The following SBNO2 variants were observed in gnomAD, a reference collection of about 807,000 sequenced individuals.
SBNO2 encodes the protein strawberry notch homolog 2.
Under a neutral mutation model 146.3 loss-of-function variants are expected in SBNO2, and 89 were observed. The observed-to-expected ratio is 0.61, with a 90% CI of 0.51 to 0.73. SBNO2 has a LOEUF of 0.73. SBNO2 is among the 30% of genes least tolerant of loss of function. The pLI is 0.00. For synonymous variants in SBNO2, 1,147 were observed against 892.6 expected, an observed-to-expected ratio of 1.29 and a Z score of -5.08; for missense variants, 2,092 against 2,003.7, an observed-to-expected ratio of 1.04 and a Z score of -0.84.
intron 1 of SBNO2, among the ~76,000 whole-genome samples, chr19:1,172,892 C>T (rs1436211435): frequency 6.6e-6 from 1 of 151,882 alleles, no homozygotes; most frequent in Non-Finnish European, 1.5e-5. Context: ...CCGTCCCGTC[C>T]CAGCAGTCAC....
chr19:1,111,372 CCT>C, intron 24 of SBNO2, 132 bp downstream of exon 24: 1 of 744,822 alleles, frequency 1.3e-6, no homozygotes, highest in Non-Finnish European at 2.2e-6. Flanking sequence ...CCTTCACAGC[CCT>C]CTCTGTCCGT....
At chr19:1,162,297 A>C (rs1330927668) in intron 1 of SBNO2, among the ~76,000 whole-genome samples, 3 of 147,410 alleles carry the variant, frequency 2.0e-5, no homozygotes, top group Non-Finnish European at 4.5e-5. Context: ...GTCTCTACTA[A>C]AAAATACAAA....
chr19:1,132,151 G>C (rs1177194859), intron 4 of SBNO2: 10 of 1,474,992 alleles, frequency 6.8e-6, no homozygotes, highest in Non-Finnish European at 8.9e-6. Context: ...GGCGCTCGGG[G>C]GGCCAGGGGT....
At chr19:1,149,265 A>T (rs2080220669) in intron 3 of SBNO2, 104 bp downstream of exon 3, 1 of 1,088,112 alleles carries the variant, frequency 9.2e-7, no homozygotes, top group African/African-American at 1.6e-5. Flanking sequence ...AAACCCCTCA[A>T]CAAGACTTTG....
At position 1,108,594 on chromosome 19, in the gene SBNO2, C is replaced by CGGGCG. The variant is rs1459148243; in HGVS notation, c.3722_3726dup (p.Ala1243ArgfsTer112). ...CAAGGCAGCGCCAGCGGGCGCGGGG[C>CGGGCG]GGGCGGGGCGGGGCAGCCCAGGGCG... On this transcript the variant is annotated frameshift_variant, in exon 32 of 32. Coordinates refer to ENST00000361757, the MANE Select transcript of SBNO2 (RefSeq NM_014963.3). LOFTEE classifies it low-confidence loss of function (END_TRUNC). 6.8e-6 allele frequency: 4 copies of CGGGCG among 584,424 alleles called. No individual in the cohort carries two copies. Among genetic ancestry groups the CGGGCG allele is most frequent in the Non-Finnish European group, 9.5e-6 (4 of 420,966 alleles). 36.2% of individuals were successfully genotyped at this position (584,424 alleles called of 1,614,324 possible).
intron 13 of SBNO2, 46 bp downstream of exon 13, chr19:1,119,470 T>TCCCCCCCC: frequency 7.5e-7 from 1 of 1,333,212 alleles, no homozygotes; most frequent in Non-Finnish European, 1.1e-6. Flanking sequence ...TGAGGCCTCC[T>TCCCCCCCC]CCCCACCCCC....
At chr19:1,115,993 G>C in intron 17 of SBNO2, 28 bp downstream of exon 17, 1 of 1,568,908 alleles carries the variant, frequency 6.4e-7, no homozygotes, top group South Asian at 1.2e-5. Context: ...GGGCAGGGGT[G>C]GGTGGGGCCA....
chr19:1,158,201 C>T lies in SBNO2; in HGVS notation c.-126-3799G>A, dbSNP rs902778191. ...AACTGGCCACTGTGCGGACCCTCCC[C>T]CTGGGGGTCCCTGAGCACCTGTCGT... On this transcript the variant is annotated intron_variant, in intron 1 of 31. Transcript: ENST00000361757. The surrounding 1 kb of genome is among the most constrained non-coding windows in gnomAD (Gnocchi z 9.9). 2.0e-5 allele frequency among the ~76,000 whole-genome samples: 3 copies of T among 152,212 alleles called. No individual in the cohort carries two copies. The highest frequency in any genetic ancestry group is 7.2e-5 in the African/African-American group (3 of 41,448).
intron 4 of SBNO2, among the ~76,000 whole-genome samples, chr19:1,145,036 G>A (rs1029032584): frequency 1.3e-5 from 2 of 151,448 alleles, no homozygotes; most frequent in Non-Finnish European, 2.9e-5. Flanking sequence ...CAGAGAGAGA[G>A]ACAGAGGCAG....
intron 3 of SBNO2, among the ~76,000 whole-genome samples, 155 bp from the exon 4 acceptor site, chr19:1,147,575 G>A (rs370390217): frequency 1.3e-5 from 2 of 152,130 alleles, no homozygotes; most frequent in African/African-American, 4.8e-5. Flanking sequence ...TGCACATACA[G>A]AGGGGCCTCC....
rs1383360072 is a variant in SBNO2, at chr19:1,108,485, G to A, written c.3836C>T (p.Pro1279Leu). Reference sequence around the variant, plus strand: ...GCCGGGGCCGGCGTCCAGGGACAGCGGCGCCGGGAAAGAGAAGTGCGGGGG... The same window carrying A: ...GCCGGGGCCGGCGTCCAGGGACAGCAGCGCCGGGAAAGAGAAGTGCGGGGG... ...PPPPHFSFPA[P>L]LSLDAGPGVV... The change falls in exon 32 of 32, where the codon CCG (proline) becomes CTG (leucine). Residue 1279 changes from proline (P) to leucine (L), a missense_variant. Transcript: ENST00000361757. 8.2e-6 allele frequency: 10 copies of A among 1,221,232 alleles called. No individual in the cohort carries two copies. The highest frequency in any genetic ancestry group is 2.5e-5 in the South Asian group (1 of 39,554). 75.6% of individuals were successfully genotyped at this position (1,221,232 alleles called of 1,614,324 possible).
Position 1,113,531 on chromosome 19 carries a change from C to G in SBNO2, c.2247+4G>C, listed in dbSNP as rs763186025. The G allele has an allele frequency of 6.3e-7, 1 of 1,591,134 alleles. No homozygotes were observed. The highest frequency in any genetic ancestry group is 1.4e-5 in the African/African-American group (1 of 72,936). ...CCACACTCCAGCTGCCACGTCCCAC[C>G]CACCTCCGCCACCCGCTGGGGGCCG... is the stretch of plus-strand genomic sequence containing the variant. On this transcript the variant is annotated splice_donor_region_variant and intron_variant, in intron 19 of 31. Transcript: ENST00000361757.
intron 4 of SBNO2, among the ~76,000 whole-genome samples, chr19:1,145,112 G>A (rs1045442949): frequency 1.3e-5 from 2 of 151,792 alleles, no homozygotes; most frequent in African/African-American, 4.8e-5. Context: ...GAGATTGAGA[G>A]GGAGGGAGAC....
Position 1,131,580 on chromosome 19 carries a change from G to A in SBNO2, c.280-3815C>T, listed in dbSNP as rs79862773. On this transcript the variant is annotated intron_variant, in intron 4 of 31. Coordinates refer to ENST00000361757, the MANE Select transcript of SBNO2 (RefSeq NM_014963.3). Reference sequence around the variant, plus strand: ...GCTCCAGGACCCATGGGGAGCCACAGAGCCACAGGGATTTGCCGGCCTGCG... The same window carrying A: ...GCTCCAGGACCCATGGGGAGCCACAAAGCCACAGGGATTTGCCGGCCTGCG... Among the ~76,000 whole-genome samples the A allele has an allele frequency of 4.5e-3, 679 of 152,342 alleles. 2 individuals carry two copies. Among genetic ancestry groups the A allele is most frequent in the South Asian group, 8.7e-3 (42 of 4,834 alleles).
chr19:1,110,620 C>T lies in SBNO2; in HGVS notation c.3028+125G>A, dbSNP rs2079745184. The T allele has an allele frequency of 9.7e-6, 12 of 1,232,772 alleles. No homozygotes were observed. The highest frequency in any genetic ancestry group is 2.7e-5 in the East Asian group (1 of 37,068). 76.4% of individuals were successfully genotyped at this position (1,232,772 alleles called of 1,614,324 possible). Reference sequence around the variant, plus strand: ...CCACCCGGGATGCACGGTGTTCCCACGAGCCCCTCGCCCACCCGGGATGCC... The same window carrying T: ...CCACCCGGGATGCACGGTGTTCCCATGAGCCCCTCGCCCACCCGGGATGCC... On this transcript the variant is annotated intron_variant, in intron 26 of 31. Coordinates refer to ENST00000361757, the MANE Select transcript of SBNO2 (RefSeq NM_014963.3). This position sits in a 1 kb window ranked among gnomAD's most constrained non-coding sequence, Gnocchi z 4.9.
At chr19:1,148,421 C>G (rs898764110) in intron 3 of SBNO2, among the ~76,000 whole-genome samples, 2 of 151,906 alleles carry the variant, frequency 1.3e-5, no homozygotes, top group Admixed American at 6.6e-5. Flanking sequence ...CTCCTACCCC[C>G]CCTGCAGAAC....
At position 1,109,783 on chromosome 19, in the gene SBNO2, G is replaced by C. The variant is rs760864994; in HGVS notation, c.3029-6C>G. On this transcript the variant is annotated splice_region_variant and splice_polypyrimidine_tract_variant and intron_variant, in intron 26 of 31. Transcript: ENST00000361757. The surrounding 1 kb of genome is among the most constrained non-coding windows in gnomAD (Gnocchi z 4.2). ...CTCGATACCGGGAGCAAGGTCTAGG[G>C]GGGCGGGTGGAGGGTAAGTGGTGTC... The C allele has an allele frequency of 7.3e-5, 115 of 1,577,500 alleles. No homozygotes were observed. The highest frequency in any genetic ancestry group is 3.6e-4 in the Middle Eastern group (2 of 5,612).
intron 1 of SBNO2, among the ~76,000 whole-genome samples, chr19:1,160,162 C>T (rs2080330445): frequency 6.6e-6 from 1 of 152,310 alleles, no homozygotes. Flanking sequence ...GGGGAAGCTG[C>T]CCCGGCAGCG....
Position 1,114,413 on chromosome 19 carries a change from C to T in SBNO2, c.1895G>A (p.Arg632Gln), listed in dbSNP as rs771453105. ...CCGGGGGGCTTTGGCCCCGCGTCCC[C>T]GAGGTCGCCCTGCAGGGAAGGACAG... ...GAGSKRKRRP[R>Q]GRGAKAPRLA... The change falls in exon 18 of 32, where the codon CGG (arginine) becomes CAG (glutamine). Residue 632 changes from arginine to glutamine, a missense_variant. Physicochemically the swap from Arg to Gln is conservative, Grantham distance 43. Transcript: ENST00000361757. 4.6e-6 allele frequency: 7 copies of T among 1,531,100 alleles called. No individual in the cohort carries two copies. The highest frequency in any genetic ancestry group is 1.4e-5 in the African/African-American group (1 of 72,632). 94.8% of individuals were successfully genotyped at this position (1,531,100 alleles called of 1,614,324 possible). A position where few individuals can be genotyped will look rare whatever the true frequency, so the allele number is the denominator to read the frequency against.
Sources: allele counts gnomAD v4.1 joint callset (sites outside exome capture counted in the v4.1 genomes callset), GRCh38; gene constraint gnomAD v4.1.1; non-coding constraint Gnocchi (gnomAD v3.1); transcripts MANE v1.5; gene names NCBI Gene and HGNC (gene_info 2026-07-23, HGNC 2026-07-21).